The following LRRC4C variants were observed in gnomAD, a reference collection of about 807,000 sequenced individuals.
LRRC4C encodes leucine rich repeat containing 4C.
In LRRC4C, 5 loss-of-function variants were observed where a neutral mutation model predicts 33.6. The observed-to-expected ratio is 0.15, with a 90% CI of 0.08 to 0.31. The LOEUF is 0.31. Among genes scored for constraint, LRRC4C ranks in the 10% least tolerant of loss-of-function variants. The pLI, the probability that LRRC4C is intolerant of heterozygous loss-of-function variation, is 1.00. For missense variants in LRRC4C, 560 were observed against 796.7 expected, an observed-to-expected ratio of 0.70 and a Z score of 3.58; for synonymous variants, 329 against 302.0, an observed-to-expected ratio of 1.09 and a Z score of -0.93.
intron 2 of LRRC4C, among the ~76,000 whole-genome samples, chr11:40,801,009 T>C (rs183762282): frequency 3.3e-5 from 5 of 152,276 alleles, no homozygotes; most frequent in Admixed American, 2.0e-4. Flanking sequence ...CTTAGAGGGC[T>C]TGTTTTCAAT....
chr11:40,549,311 T>C (rs1957046678), intron 3 of LRRC4C, among the ~76,000 whole-genome samples: 1 of 152,134 alleles, frequency 6.6e-6, no homozygotes, highest in Non-Finnish European at 1.5e-5. Context: ...TCATGTCAAC[T>C]GCAATGTCAT....
At chr11:41,192,159 A>G (rs1442598326) in intron 1 of LRRC4C, among the ~76,000 whole-genome samples, 1 of 152,026 alleles carries the variant, frequency 6.6e-6, no homozygotes, top group Non-Finnish European at 1.5e-5. Context: ...ATTTTCCTCA[A>G]TGTGTTTACC....
intron 1 of LRRC4C, among the ~76,000 whole-genome samples, chr11:41,438,519 A>T (rs1955513747): frequency 6.6e-6 from 1 of 152,206 alleles, no homozygotes; most frequent in South Asian, 2.1e-4. Flanking sequence ...AAATTGGGAT[A>T]TAAACGATGA....
At chr11:41,236,444 T>C (rs959875396) in intron 1 of LRRC4C, among the ~76,000 whole-genome samples, 1 of 152,072 alleles carries the variant, frequency 6.6e-6, no homozygotes, top group African/African-American at 2.4e-5. Flanking sequence ...TGCACTTATA[T>C]ACCACTAAGC....
At chr11:41,228,201 C>T (rs907912700) in intron 1 of LRRC4C, among the ~76,000 whole-genome samples, 1 of 151,928 alleles carries the variant, frequency 6.6e-6, no homozygotes, top group African/African-American at 2.4e-5. Flanking sequence ...ATCATCTCAC[C>T]CTTTCTTTGG....
At chr11:40,716,110 A>G (rs760539743) in intron 2 of LRRC4C, among the ~76,000 whole-genome samples, 11 of 152,146 alleles carry the variant, frequency 7.2e-5, no homozygotes, top group Admixed American at 1.3e-4. Context: ...ATTTATATAA[A>G]TTGTAAAAAC....
intron 1 of LRRC4C, among the ~76,000 whole-genome samples, chr11:41,054,464 A>G (rs1858472033): frequency 6.6e-6 from 1 of 152,142 alleles, no homozygotes; most frequent in Non-Finnish European, 1.5e-5. Flanking sequence ...TATGTCAAAG[A>G]TTTTGAAAGT....
chr11:41,258,140 T>C (rs1472300203), intron 1 of LRRC4C, among the ~76,000 whole-genome samples: 1 of 151,948 alleles, frequency 6.6e-6, no homozygotes, highest in Admixed American at 6.6e-5. Context: ...ATATAATATC[T>C]GAGTTTCTGT....
chr11:41,403,925 T>TAC (rs1442494787), intron 1 of LRRC4C, among the ~76,000 whole-genome samples: 3 of 151,984 alleles, frequency 2.0e-5, no homozygotes, highest in Non-Finnish European at 4.4e-5. Context: ...CGTGCACTTA[T>TAC]ACACACACCT....
At chr11:40,942,192 T>G (rs1401002890) in intron 1 of LRRC4C, among the ~76,000 whole-genome samples, 1 of 152,144 alleles carries the variant, frequency 6.6e-6, no homozygotes, top group Non-Finnish European at 1.5e-5. Flanking sequence ...AGGAGTCCTA[T>G]GTTTTATAAG....
At chr11:40,596,389 T>C (rs752990264) in intron 3 of LRRC4C, among the ~76,000 whole-genome samples, 32 of 152,144 alleles carry the variant, frequency 2.1e-4, no homozygotes, top group Non-Finnish European at 2.5e-4. Context: ...GAATATATAA[T>C]GAACAAATCA....
intron 3 of LRRC4C, among the ~76,000 whole-genome samples, chr11:40,618,265 CA>C (rs1207928503): frequency 8.5e-5 from 10 of 117,976 alleles, no homozygotes; most frequent in Non-Finnish European, 1.8e-4. Flanking sequence ...CAACAGCACC[CA>C]GGAAAGACAG....
intron 3 of LRRC4C, among the ~76,000 whole-genome samples, chr11:40,628,859 G>A (rs555826560): frequency 2.0e-5 from 3 of 152,132 alleles, no homozygotes; most frequent in Non-Finnish European, 4.4e-5. Context: ...TAGAATTGGA[G>A]CATTTAAGCC....
intron 5 of LRRC4C, among the ~76,000 whole-genome samples, chr11:40,159,402 A>G (rs528377112): frequency 6.6e-6 from 1 of 152,304 alleles, no homozygotes; most frequent in East Asian, 1.9e-4. Context: ...CTAAAAATGC[A>G]ATAAGAGCCC....
At chr11:40,339,691 T>C (rs558023054) in intron 3 of LRRC4C, among the ~76,000 whole-genome samples, 1 of 152,184 alleles carries the variant, frequency 6.6e-6, no homozygotes, top group Admixed American at 6.6e-5. Context: ...AGAAAATTTT[T>C]GTTAATCATA....
chr11:41,380,620 A>T (rs1455125799), intron 1 of LRRC4C, among the ~76,000 whole-genome samples: 1 of 152,158 alleles, frequency 6.6e-6, no homozygotes, highest in Non-Finnish European at 1.5e-5. Flanking sequence ...AAATGTATGG[A>T]TAAGCTGGTA....
intron 2 of LRRC4C, among the ~76,000 whole-genome samples, chr11:40,796,125 A>G (rs551273052): frequency 6.6e-6 from 1 of 152,298 alleles, no homozygotes; most frequent in East Asian, 1.9e-4. Flanking sequence ...GGATTTATTT[A>G]TAAAAAATAT....
intron 3 of LRRC4C, among the ~76,000 whole-genome samples, chr11:40,473,255 C>T (rs11827766): frequency 0.024 from 3,716 of 152,266 alleles, 156 homozygotes; most frequent in African/African-American, 0.084. Context: ...TTATCCACTA[C>T]GATCAAGGCA....
intron 2 of LRRC4C, among the ~76,000 whole-genome samples, chr11:40,806,906 A>C (rs1418990864): frequency 6.6e-6 from 1 of 152,138 alleles, no homozygotes; most frequent in East Asian, 1.9e-4. Context: ...CATAATCTAC[A>C]TTCTAGAAAA....
Sources: allele counts gnomAD v4.1 joint callset (sites outside exome capture counted in the v4.1 genomes callset), GRCh38; gene constraint gnomAD v4.1.1; transcripts MANE v1.5; gene names NCBI Gene and HGNC (gene_info 2026-07-23, HGNC 2026-07-21).